PDE4B: variants seen among roughly 807,000 people sequenced by gnomAD.
PDE4B encodes the protein 3',5'-cyclic-AMP phosphodiesterase 4B.
Under a neutral mutation model 82.2 loss-of-function variants are expected in PDE4B, and 20 were observed. The observed-to-expected ratio is 0.24, with a 90% CI of 0.17 to 0.35. The LOEUF is 0.35. PDE4B is among the 10% of genes least tolerant of loss of function. PDE4B has a pLI of 1.00. For synonymous variants in PDE4B, 320 were observed against 318.9 expected, an observed-to-expected ratio of 1.00 and a Z score of -0.04; for missense variants, 655 against 907.2, an observed-to-expected ratio of 0.72 and a Z score of 3.57.
chr1:65,908,646 A>G (rs1451187734), intron 1 of PDE4B, among the ~76,000 whole-genome samples: 1 of 152,068 alleles, frequency 6.6e-6, no homozygotes, highest in Non-Finnish European at 1.5e-5. Flanking sequence ...CCATCATGTC[A>G]TTATTCCAAT....
At chr1:66,098,823 C>CTATAT (rs886924535) in intron 3 of PDE4B, among the ~76,000 whole-genome samples, 1 of 152,076 alleles carries the variant, frequency 6.6e-6, no homozygotes, top group Admixed American at 6.6e-5. Flanking sequence ...CTTTGCTCAG[C>CTATAT]TATATTTCAT....
At chr1:65,850,052 T>A (rs1293383328) in intron 1 of PDE4B, among the ~76,000 whole-genome samples, 1 of 151,290 alleles carries the variant, frequency 6.6e-6, no homozygotes, top group African/African-American at 2.4e-5. Flanking sequence ...CCACCAGCAA[T>A]ACATGAGTGT....
chr1:66,050,407 T>G (rs1217304891), intron 3 of PDE4B: 1 of 152,098 alleles, frequency 6.6e-6, no homozygotes, highest in Non-Finnish European at 1.5e-5. Context: ...CTCAACTTTG[T>G]GAGAACCTAA....
At chr1:66,017,728 A>T (rs541100209) in intron 3 of PDE4B, among the ~76,000 whole-genome samples, 1 of 152,264 alleles carries the variant, frequency 6.6e-6, no homozygotes, top group African/African-American at 2.4e-5. Context: ...GCATGTCTTG[A>T]GATTAGAAAC....
intron 6 of PDE4B, among the ~76,000 whole-genome samples, chr1:66,258,899 T>G (rs1654465810): frequency 6.6e-6 from 1 of 152,210 alleles, no homozygotes. Context: ...GTGAGATGAC[T>G]CTGTATACTC....
rs142612586 is a variant in PDE4B at position 66,300,577 on chromosome 1, G to A, written c.635-31931G>A. On this transcript the variant is annotated intron_variant, in intron 7 of 16. Transcript: ENST00000341517. ...CCAGAATCCACATCTCCAACTACCA[G>A]TCCAGAATTCTTTCCATTCCCCAGT... is the stretch of plus-strand genomic sequence containing the variant. Among the ~76,000 whole-genome samples, 793 of 152,280 alleles carry A rather than the reference G, an allele frequency of 5.2e-3. 5 individuals carry two copies. The highest frequency in any genetic ancestry group is 0.018 in the African/African-American group (749 of 41,546).
intron 7 of PDE4B, among the ~76,000 whole-genome samples, chr1:66,293,461 T>G (rs1201022994): frequency 6.6e-6 from 1 of 152,178 alleles, no homozygotes; most frequent in Non-Finnish European, 1.5e-5. Flanking sequence ...TTATTGAGCA[T>G]CTACTATGTG....
At chr1:66,209,450 C>G (rs758801866) in intron 3 of PDE4B, among the ~76,000 whole-genome samples, 4 of 152,154 alleles carry the variant, frequency 2.6e-5, no homozygotes, top group Non-Finnish European at 4.4e-5. Context: ...GAAGTCTATA[C>G]CAAACTACCC....
intron 8 of PDE4B, chr1:66,354,524 A>C: frequency 1.8e-6 from 2 of 1,105,326 alleles, no homozygotes; most frequent in Non-Finnish European, 1.1e-6. Flanking sequence ...CACCAGGGCT[A>C]TTCATAATTC....
At chr1:65,883,678 A>T (rs1455357124) in intron 1 of PDE4B, among the ~76,000 whole-genome samples, 5 of 152,186 alleles carry the variant, frequency 3.3e-5, no homozygotes, top group Admixed American at 6.5e-5. Flanking sequence ...CCCTGGCCAG[A>T]ACTTCCAACA....
intron 8 of PDE4B, chr1:66,354,583 T>C (rs1355615463): frequency 1.5e-6 from 2 of 1,297,836 alleles, no homozygotes; most frequent in Admixed American, 3.6e-5. Flanking sequence ...AGGCTCTTGC[T>C]CCTTCGTGCA....
intron 6 of PDE4B, among the ~76,000 whole-genome samples, chr1:66,264,451 T>C (rs1188343377): frequency 6.6e-6 from 1 of 152,188 alleles, no homozygotes; most frequent in Non-Finnish European, 1.5e-5. Flanking sequence ...CTCTCTGAGC[T>C]TCAGTTTTCT....
At chr1:66,030,139 G>A (rs1653690091) in intron 3 of PDE4B, among the ~76,000 whole-genome samples, 1 of 150,836 alleles carries the variant, frequency 6.6e-6, no homozygotes, top group South Asian at 2.1e-4. Context: ...TTCTGTTTAT[G>A]GGGTGAATCA....
chr1:65,992,978 G>A lies in PDE4B; in HGVS notation c.281+74143G>A, dbSNP rs115074556. 105 of 1,613,858 alleles carry A rather than the reference G, an allele frequency of 6.5e-5. 1 individual carries two copies. The South Asian group carries it at 1.1e-3, about 17-fold the overall frequency. On this transcript the variant is annotated intron_variant, in intron 3 of 16. Transcript: ENST00000341517. ...AGGTTTGCATAAAGACTTTCAAGGA[G>A]CAAATGCATTTAGAACTTGAGCTTC...
chr1:66,044,001 A>C (rs570144614), intron 3 of PDE4B, among the ~76,000 whole-genome samples: 22 of 151,796 alleles, frequency 1.4e-4, no homozygotes, highest in African/African-American at 5.1e-4. Context: ...GGACATTGAG[A>C]ATCAATGAAG....
intron 1 of PDE4B, among the ~76,000 whole-genome samples, chr1:65,908,168 C>T (rs761779250): frequency 6.6e-6 from 1 of 152,064 alleles, no homozygotes; most frequent in Non-Finnish European, 1.5e-5. Flanking sequence ...GTTAGGAAAA[C>T]AAAAGGATTT....
intron 3 of PDE4B, among the ~76,000 whole-genome samples, chr1:66,160,192 G>A (rs1646583038): frequency 6.6e-6 from 1 of 152,182 alleles, no homozygotes; most frequent in Admixed American, 6.5e-5. Context: ...GAGTAGGACT[G>A]AGAGAATTTA....
intron 1 of PDE4B, among the ~76,000 whole-genome samples, chr1:65,854,222 T>G (rs754258960): frequency 2.4e-4 from 36 of 151,596 alleles, no homozygotes; most frequent in Non-Finnish European, 5.2e-4. Flanking sequence ...ATACATTTAT[T>G]ATATACATAA....
At chr1:65,914,772 G>A (rs1647140571) in intron 2 of PDE4B, among the ~76,000 whole-genome samples, 1 of 152,202 alleles carries the variant, frequency 6.6e-6, no homozygotes, top group African/African-American at 2.4e-5. Flanking sequence ...CTCCCTGAGG[G>A]AATGGTGGGC....
Sources: allele counts gnomAD v4.1 joint callset (sites outside exome capture counted in the v4.1 genomes callset), GRCh38; gene constraint gnomAD v4.1.1; transcripts MANE v1.5; gene names NCBI Gene and HGNC (gene_info 2026-07-23, HGNC 2026-07-21).